ODR4: variants seen among roughly 807,000 people sequenced by gnomAD.
The protein encoded by ODR4 is odr-4 GPCR localization factor homolog.
Under a neutral mutation model 60.2 loss-of-function variants are expected in ODR4, and 47 were observed. That is an observed-to-expected ratio of 0.78 (90% CI 0.62 to 1.00). The LOEUF is 1.00. ODR4 is among the 50% of genes least tolerant of loss of function. The probability of loss-of-function intolerance (pLI) is 0.00; values close to 1 mark genes in which losing one functional copy is unlikely to be tolerated. For synonymous variants in ODR4, 178 were observed against 175.5 expected (o/e 1.01, Z -0.11); for missense variants, 488 against 530.8 (o/e 0.92, Z 0.79).
chr1:186,427,861 A>G, the ODR4 span, among the ~76,000 whole-genome samples: 1 of 152,210 alleles, frequency 6.6e-6, no homozygotes, highest in Non-Finnish European at 1.5e-5. Context: ...GCATATCTCC[A>G]TAAGAGCTCT....
intron 12 of ODR4, among the ~76,000 whole-genome samples, chr1:186,414,611 C>T (rs1236238998): frequency 6.6e-6 from 1 of 151,756 alleles, no homozygotes; most frequent in African/African-American, 2.4e-5. Context: ...GCTCTGCCTC[C>T]TGGGTTCACG....
At position 186,399,027 on chromosome 1, in the gene ODR4, A is replaced by G. The variant is rs780230423; in HGVS notation, c.983A>G (p.Glu328Gly). ...CTATTTGAGGATCTGCTTTTGAATG[A>G]AATTCCAGAAAAAAAAGTTATGAGT... ...EMLFEDLLLN[E>G]IPEKKDSEKE... The change falls in exon 11 of 14, where the codon GAA (glutamate) becomes GGA (glycine). Residue 328 changes from glutamate to glycine, a missense_variant. Transcript: ENST00000287859. 1.7e-5 allele frequency: 27 copies of G among 1,610,494 alleles called. No individual in the cohort carries two copies. Among genetic ancestry groups the G allele is most frequent in the Non-Finnish European group, 2.0e-5 (24 of 1,178,038 alleles).
intron 12 of ODR4, among the ~76,000 whole-genome samples, chr1:186,413,791 C>A (rs1254053645): frequency 1.4e-4 from 22 of 152,158 alleles, no homozygotes; most frequent in Non-Finnish European, 5.9e-5. Context: ...ACACAGGCTA[C>A]TAAGGAGTTC....
At chr1:186,417,980 T>C (rs555525245) in intron 13 of ODR4, among the ~76,000 whole-genome samples, 1 of 152,280 alleles carries the variant, frequency 6.6e-6, no homozygotes, top group South Asian at 2.1e-4. Flanking sequence ...TGCAGGAGAT[T>C]TTGATAGGTG....
intron 11 of ODR4, chr1:186,401,057 T>G (rs1660923720): frequency 1.3e-6 from 2 of 1,595,902 alleles, no homozygotes; most frequent in Non-Finnish European, 1.7e-6. Flanking sequence ...TGGGGATGTA[T>G]CCACCATTAT....
chr1:186,378,714 T>C (rs1659894577), intron 1 of ODR4, among the ~76,000 whole-genome samples: 2 of 152,218 alleles, frequency 1.3e-5, no homozygotes, highest in Non-Finnish European at 2.9e-5. Context: ...TTTGTCACTT[T>C]GGCAAGTTAT....
intron 9 of ODR4, among the ~76,000 whole-genome samples, chr1:186,395,869 G>T (rs1660651519): frequency 1.3e-5 from 2 of 151,992 alleles, no homozygotes; most frequent in Non-Finnish European, 2.9e-5. Flanking sequence ...GGTACTCCTT[G>T]CTCAAAATTT....
rs145401556 is a variant in ODR4, at chr1:186,420,890, G to T, written c.*1814G>T. ...GGAAAAACATGAATTCATAAATTCA[G>T]GAAGCACAATATATACCAAACATAT... is the stretch of plus-strand genomic sequence containing the variant. On this transcript the variant is annotated 3_prime_UTR_variant, in exon 14 of 14. Coordinates refer to ENST00000287859, the MANE Select transcript of ODR4 (RefSeq NM_017847.6). The T allele has an allele frequency of 5.1e-3, 769 of 152,224 alleles. 3 individuals are homozygous for T. Among genetic ancestry groups the T allele is most frequent in the African/African-American group, 0.017 (726 of 41,540 alleles). 9.4% of individuals were successfully genotyped at this position (152,224 alleles called of 1,614,324 possible).
intron 12 of ODR4, among the ~76,000 whole-genome samples, chr1:186,414,799 C>T (rs1196173945): frequency 6.6e-6 from 1 of 152,072 alleles, no homozygotes; most frequent in African/African-American, 2.4e-5. Context: ...GGATTACAAG[C>T]GTGAGCCACT....
downstream of ODR4, among the ~76,000 whole-genome samples, chr1:186,424,452 T>G (rs1222395154): frequency 6.6e-6 from 1 of 152,182 alleles, no homozygotes; most frequent in Non-Finnish European, 1.5e-5. Context: ...CGTTCTTGAG[T>G]AATGGGTTTC....
intron 11 of ODR4, chr1:186,399,288 C>G: frequency 2.0e-6 from 1 of 489,380 alleles, no homozygotes; most frequent in South Asian, 1.8e-5. Context: ...CACCTGCAGC[C>G]TCAGCCTCTT....
chr1:186,430,125 A>C, the ODR4 span, among the ~76,000 whole-genome samples: 9 of 152,178 alleles, frequency 5.9e-5, no homozygotes, highest in Admixed American at 1.3e-4. Flanking sequence ...ATATAATAGA[A>C]ATAGACTTTG....
downstream of ODR4, among the ~76,000 whole-genome samples, chr1:186,423,557 C>A (rs902145524): frequency 6.9e-6 from 1 of 144,746 alleles, no homozygotes; most frequent in Non-Finnish European, 1.5e-5. Context: ...CAGGTTCAAG[C>A]AATTCTCTTG....
chr1:186,411,822 G>C (rs1379481618), intron 12 of ODR4: 1 of 966,758 alleles, frequency 1.0e-6, no homozygotes, highest in African/African-American at 1.8e-5. Flanking sequence ...CTAGTATAGA[G>C]ATGGATTAAC....
the ODR4 span, among the ~76,000 whole-genome samples, chr1:186,429,395 G>A: frequency 6.6e-6 from 1 of 152,062 alleles, no homozygotes; most frequent in Admixed American, 6.6e-5. Flanking sequence ...CTTGATGCAG[G>A]GTTGTAAAAA....
the ODR4 span, among the ~76,000 whole-genome samples, chr1:186,429,087 A>C: frequency 1.5e-4 from 23 of 152,202 alleles, no homozygotes; most frequent in African/African-American, 3.1e-4. Flanking sequence ...AAAAACAACA[A>C]CACCAAACAA....
chr1:186,430,550 A>G, the ODR4 span, among the ~76,000 whole-genome samples: 2 of 152,166 alleles, frequency 1.3e-5, no homozygotes, highest in African/African-American at 2.4e-5. Flanking sequence ...CTGAATGTCA[A>G]TAAGCTAAGA....
intron 11 of ODR4, among the ~76,000 whole-genome samples, chr1:186,403,243 A>T (rs1018723815): frequency 1.8e-4 from 28 of 152,128 alleles, no homozygotes; most frequent in East Asian, 1.5e-3. Flanking sequence ...CTTTAAAAAA[A>T]TTTTTTTAAT....
the ODR4 span, among the ~76,000 whole-genome samples, chr1:186,428,152 C>T: frequency 6.6e-6 from 1 of 152,150 alleles, no homozygotes; most frequent in African/African-American, 2.4e-5. Context: ...ATTGACTTCT[C>T]CTCTCTAGCT....
Sources: gnomAD v4.1 joint callset for allele counts (sites outside exome capture counted in the v4.1 genomes callset) on GRCh38, gnomAD v4.1.1 for gene constraint, MANE v1.5 for transcripts, NCBI Gene and HGNC (gene_info 2026-07-23, HGNC 2026-07-21) for gene names.